Variants in TATDN1 observed in about 807,000 individuals in gnomAD.
The protein encoded by TATDN1 is TatD DNase domain containing 1.
In TATDN1, 40 loss-of-function variants were observed where a neutral mutation model predicts 46.4. The observed-to-expected ratio is 0.86, with a 90% CI of 0.67 to 1.12. The LOEUF is 1.12. TATDN1 is among the 50% of genes most tolerant of loss of function. The pLI is 0.00. For synonymous variants in TATDN1, 95 were observed against 105.6 expected, an observed-to-expected ratio of 0.90 and a Z score of 0.62; for missense variants, 326 against 348.4, an observed-to-expected ratio of 0.94 and a Z score of 0.51.
chr8:124,489,051 C>G (rs537396117), intron 11 of TATDN1: 45 of 261,656 alleles, frequency 1.7e-4, no homozygotes, highest in Non-Finnish European at 8.8e-5. Flanking sequence ...GCATTTTAAA[C>G]ATTGACAAGT....
intron 1 of TATDN1, among the ~76,000 whole-genome samples, chr8:124,532,386 T>G (rs780077350): frequency 6.6e-6 from 1 of 152,094 alleles, no homozygotes; most frequent in Non-Finnish European, 1.5e-5. Flanking sequence ...CAGGCTCAAG[T>G]GATTCTCCTG....
intron 6 of TATDN1, among the ~76,000 whole-genome samples, chr8:124,511,583 T>C (rs1477305992): frequency 6.6e-6 from 1 of 152,082 alleles, no homozygotes; most frequent in Non-Finnish European, 1.5e-5. Flanking sequence ...AAATACAGGG[T>C]ATGGCTTAAA....
intron 9 of TATDN1, among the ~76,000 whole-genome samples, chr8:124,502,182 A>T (rs992897540): frequency 1.3e-5 from 2 of 151,976 alleles, no homozygotes; most frequent in Non-Finnish European, 2.9e-5. Flanking sequence ...AAAATACAAA[A>T]ACAAAAAAAA....
intron 10 of TATDN1, chr8:124,495,006 GC>G (rs1343191366): frequency 1.3e-5 from 2 of 158,396 alleles, no homozygotes; most frequent in African/African-American, 4.8e-5. Flanking sequence ...ACAGGCGTGA[GC>G]CACCGCGCCC....
At chr8:124,493,179 A>T (rs562962122) in intron 11 of TATDN1, among the ~76,000 whole-genome samples, 148 of 152,358 alleles carry the variant, frequency 9.7e-4, no homozygotes, top group African/African-American at 3.4e-3. Context: ...AAGACACAGT[A>T]CCAATTAGTT....
intron 1 of TATDN1, among the ~76,000 whole-genome samples, chr8:124,536,626 G>T (rs928524904): frequency 6.6e-6 from 1 of 152,176 alleles, no homozygotes; most frequent in Non-Finnish European, 1.5e-5. Context: ...GAGAAATGTA[G>T]AAAGAATTAC....
intron 11 of TATDN1, chr8:124,488,911 G>A: frequency 2.1e-6 from 1 of 472,750 alleles, no homozygotes; most frequent in Non-Finnish European, 3.7e-6. Context: ...CTAGAGCTAA[G>A]AACCAGGTTC....
intron 4 of TATDN1, among the ~76,000 whole-genome samples, chr8:124,516,305 ATT>A (rs913820200): frequency 4.2e-5 from 6 of 144,178 alleles, no homozygotes; most frequent in Non-Finnish European, 3.1e-5. Flanking sequence ...GCAAAGTGAA[ATT>A]TTTTTTTTTT....
chr8:124,489,072 CAAT>C (rs1816683752), intron 11 of TATDN1: 1 of 242,588 alleles, frequency 4.1e-6, no homozygotes, highest in Non-Finnish European at 7.9e-6. Context: ...ACATTGTACT[CAAT>C]AAGGGTAAGT....
At chr8:124,488,762 A>G in intron 11 of TATDN1, 66 bp from the exon 12 acceptor site, 3 of 955,488 alleles carry the variant, frequency 3.1e-6, no homozygotes, top group Admixed American at 4.0e-5. Flanking sequence ...AAGCTATATA[A>G]TATTTTTCCA....
At chr8:124,518,769 CAA>C in intron 4 of TATDN1, 47 bp downstream of exon 4, 1 of 1,412,698 alleles carries the variant, frequency 7.1e-7, no homozygotes, top group Non-Finnish European at 1.0e-6. Flanking sequence ...AAGACTTCTT[CAA>C]AATTACTTAA....
chr8:124,489,934 ATTGTT>A (rs1347950911), intron 11 of TATDN1: 1 of 152,246 alleles, frequency 6.6e-6, no homozygotes, highest in East Asian at 1.9e-4. Flanking sequence ...AATTTAAAAA[ATTGTT>A]TTGTAATGTG....
chr8:124,534,640 C>T (rs1821279500), intron 1 of TATDN1, among the ~76,000 whole-genome samples: 1 of 152,162 alleles, frequency 6.6e-6, no homozygotes, highest in Non-Finnish European at 1.5e-5. Flanking sequence ...GGGGTTTCCT[C>T]TCCCAACAAC....
intron 4 of TATDN1, among the ~76,000 whole-genome samples, 158 bp from the exon 5 acceptor site, chr8:124,516,188 A>G (rs1481415682): frequency 6.6e-6 from 1 of 152,236 alleles, no homozygotes; most frequent in Non-Finnish European, 1.5e-5. Flanking sequence ...TCATATGACA[A>G]TTTTTAGAAT....
At chr8:124,488,739 A>T (rs749782016) in intron 11 of TATDN1, 43 bp from the exon 12 acceptor site, 1 of 1,114,392 alleles carries the variant, frequency 9.0e-7, no homozygotes, top group Non-Finnish European at 1.4e-6. Flanking sequence ...CTCCAAGTAT[A>T]CATTTAGTTC....
chr8:124,532,085 G>A (rs1234358026), intron 1 of TATDN1, among the ~76,000 whole-genome samples: 1 of 151,748 alleles, frequency 6.6e-6, no homozygotes, highest in East Asian at 1.9e-4. Context: ...GAGCAAGGGG[G>A]GGAGGAGGAG....
intron 6 of TATDN1, among the ~76,000 whole-genome samples, chr8:124,513,507 A>C (rs1819206503): frequency 1.3e-5 from 2 of 152,176 alleles, no homozygotes; most frequent in African/African-American, 4.8e-5. Context: ...TCATTTACTG[A>C]ATGTAGTTTG....
At chr8:124,492,941 C>G (rs910465815) in intron 11 of TATDN1, among the ~76,000 whole-genome samples, 2 of 152,098 alleles carry the variant, frequency 1.3e-5, no homozygotes, top group African/African-American at 4.8e-5. Context: ...AGGCGCAGGC[C>G]ACCATGCCTG....
intron 6 of TATDN1, among the ~76,000 whole-genome samples, chr8:124,512,285 C>T (rs1819094004): frequency 6.6e-6 from 1 of 152,088 alleles, no homozygotes; most frequent in African/African-American, 2.4e-5. Flanking sequence ...ATTAGCCAGG[C>T]ATGCTGATGG....
Sources: gnomAD v4.1 joint callset for allele counts (sites outside exome capture counted in the v4.1 genomes callset) on GRCh38, gnomAD v4.1.1 for gene constraint, MANE v1.5 for transcripts, NCBI Gene and HGNC (gene_info 2026-07-23, HGNC 2026-07-21) for gene names.